AGO1: variants seen among roughly 807,000 people sequenced by gnomAD.
AGO1 encodes argonaute RISC component 1.
In AGO1, 11 loss-of-function variants were observed where a neutral mutation model predicts 109.2. The ratio of observed to expected loss-of-function variants is 0.10; its 90% CI spans 0.06 to 0.17. The LOEUF (loss-of-function observed/expected upper bound fraction) is 0.17. Among genes scored for constraint, AGO1 ranks in the 10% least tolerant of loss-of-function variants. AGO1 has a pLI of 1.00. For synonymous variants in AGO1, 422 were observed against 418.6 expected, an observed-to-expected ratio of 1.01 and a Z score of -0.10; for missense variants, 574 against 1,140.3, an observed-to-expected ratio of 0.50 and a Z score of 7.15.
At chr1:35,900,050 G>A (rs1645386674) in intron 8 of AGO1, among the ~76,000 whole-genome samples, 1 of 152,190 alleles carries the variant, frequency 6.6e-6, no homozygotes, top group Non-Finnish European at 1.5e-5. Flanking sequence ...TATGTCACTA[G>A]ACAGCTTTTT....
At chr1:35,870,492 C>T (rs912155919) in intron 1 of AGO1, among the ~76,000 whole-genome samples, 5 of 152,076 alleles carry the variant, frequency 3.3e-5, no homozygotes, top group South Asian at 2.1e-4. Context: ...ACCGTGTTAG[C>T]CAGGATGGTC....
chr1:35,889,375 A>G lies in AGO1; in HGVS notation c.209+765A>G, dbSNP rs371148790. Among the ~76,000 whole-genome samples the G allele has an allele frequency of 1.5e-3, 220 of 151,478 alleles. 1 individual carries two copies. Among genetic ancestry groups the G allele is most frequent in the African/African-American group, 5.0e-3 (206 of 41,328 alleles). ...CAGGCATCTGCCACCATGCCTGGCT[A>G]ATTTTTTTGTATTTTTAGTAGAGAC... On this transcript the variant is annotated intron_variant, in intron 2 of 18. Transcript: ENST00000373204.
rs1276910052 is a variant in AGO1 at position 35,923,491 on chromosome 1, A to G, written c.*3884A>G. ...GCCAAAAGGCAGTTTTGGAAACTAC[A>G]TTGGGGGACGTTATTTTTATTTATA... On this transcript the variant is annotated 3_prime_UTR_variant, in exon 19 of 19. Transcript: ENST00000373204. The G allele has an allele frequency of 6.6e-6, 1 of 152,626 alleles. No individual in the cohort carries two copies. Among genetic ancestry groups the G allele is most frequent in the East Asian group, 1.9e-4 (1 of 5,194 alleles). The allele number at this position is 152,626 out of a possible 1,614,324, so 9.5% of individuals were successfully genotyped here. A position where few individuals can be genotyped will look rare whatever the true frequency, so the allele number is the denominator to read the frequency against.
rs1645257598 is a variant in AGO1 at position 35,893,367 on chromosome 1, G to A, written c.512+89G>A. ...GGAGCACATATTAAGGTCCCACAGAGTGCCATTAAAAAAAAAAATTATTTG... is the reference window on the plus strand; with the variant it reads ...GGAGCACATATTAAGGTCCCACAGAATGCCATTAAAAAAAAAAATTATTTG... On this transcript the variant is annotated intron_variant, in intron 4 of 18. Transcript: ENST00000373204. The surrounding 1 kb of genome is among the most constrained non-coding windows in gnomAD (Gnocchi z 5.6). 2 of 1,419,376 alleles carry A rather than the reference G, an allele frequency of 1.4e-6. No homozygotes were observed. The highest frequency in any genetic ancestry group is 2.9e-5 in the African/African-American group (2 of 69,684). 87.9% of individuals were successfully genotyped at this position (1,419,376 alleles called of 1,614,324 possible).
chr1:35,888,242 GAAAAA>G lies in AGO1; in HGVS notation c.26-183_26-179del, dbSNP rs1209407981. ...TCCTAACTGGAGAGAGATTAAAAAA[GAAAAA>G]AGAGAAAAAACACAGATGAGCTTGA... is the stretch of plus-strand genomic sequence containing the variant. On this transcript the variant is annotated intron_variant, in intron 1 of 18. Coordinates refer to ENST00000373204, the MANE Select transcript of AGO1 (RefSeq NM_012199.5). The surrounding 1 kb of genome is among the most constrained non-coding windows in gnomAD (Gnocchi z 4.1). 2.7e-5 allele frequency among the ~76,000 whole-genome samples: 4 copies of G among 148,942 alleles called. No individual in the cohort carries two copies. Among genetic ancestry groups the G allele is most frequent in the African/African-American group, 1.0e-4 (4 of 38,446 alleles).
chr1:35,927,430 G>A lies in AGO1; in HGVS notation c.*7823G>A, dbSNP rs532140374. 2 of 152,098 alleles carry A rather than the reference G, an allele frequency of 1.3e-5. No individual in the cohort carries two copies. Among genetic ancestry groups the A allele is most frequent in the African/African-American group, 4.8e-5 (2 of 41,482 alleles). 9.4% of individuals were successfully genotyped at this position (152,098 alleles called of 1,614,324 possible). A position where few individuals can be genotyped will look rare whatever the true frequency, so the allele number is the denominator to read the frequency against. ...TCCATGTTTATCCTCACGCCAGTTC[G>A]CCTCATGGTCCCAATATGGCTACTG... On this transcript the variant is annotated 3_prime_UTR_variant, in exon 19 of 19. Transcript: ENST00000373204.
At chr1:35,895,001 G>A in intron 7 of AGO1, 121 bp from the exon 8 acceptor site, 1 of 1,216,432 alleles carries the variant, frequency 8.2e-7, no homozygotes, top group Non-Finnish European at 1.1e-6. Context: ...CTTCCTTCCT[G>A]CACATCATAT....
At chr1:35,892,240 C>T (rs774790411) in intron 2 of AGO1, among the ~76,000 whole-genome samples, 7 of 152,284 alleles carry the variant, frequency 4.6e-5, no homozygotes, top group Non-Finnish European at 1.0e-4. Context: ...TTAGCCTCCC[C>T]CTCTTCTCAG....
At chr1:35,887,170 CAG>C (rs1435095380) in intron 1 of AGO1, among the ~76,000 whole-genome samples, 2 of 152,098 alleles carry the variant, frequency 1.3e-5, no homozygotes, top group African/African-American at 4.8e-5. Context: ...TAGAGGGAAA[CAG>C]AGCAGCTTAG....
chr1:35,871,024 C>A (rs1415102113), intron 1 of AGO1, among the ~76,000 whole-genome samples: 5 of 152,180 alleles, frequency 3.3e-5, no homozygotes, highest in African/African-American at 1.2e-4. Context: ...CTATTACAAA[C>A]AGTGCTGCTA....
chr1:35,901,365 G>A lies in AGO1; in HGVS notation c.1021-109G>A. The A allele has an allele frequency of 6.9e-7, 1 of 1,455,402 alleles. No individual in the cohort carries two copies. The highest frequency in any genetic ancestry group is 9.4e-7 in the Non-Finnish European group (1 of 1,061,062). The allele number at this position is 1,455,402 out of a possible 1,614,324, so 90.2% of individuals were successfully genotyped here. On this transcript the variant is annotated intron_variant, in intron 8 of 18. Coordinates refer to ENST00000373204, the MANE Select transcript of AGO1 (RefSeq NM_012199.5). This position sits in a 1 kb window ranked among gnomAD's most constrained non-coding sequence, Gnocchi z 4.8. ...ACATGTATGCACAACGGATTTTGCA[G>A]TTCCCTTCCCCATGGCTGACAGCCA...
At chr1:35,902,379 C>T (rs1645434032) in intron 11 of AGO1, 42 bp downstream of exon 11, 7 of 1,596,924 alleles carry the variant, frequency 4.4e-6, no homozygotes, top group Non-Finnish European at 6.0e-6. Flanking sequence ...TGGGAAGGAC[C>T]CTGGAGCTGC....
chr1:35,893,873 A>G lies in AGO1; in HGVS notation c.649+63A>G. The G allele has an allele frequency of 6.4e-7, 1 of 1,568,366 alleles. No homozygotes were observed. The highest frequency in any genetic ancestry group is 8.7e-7 in the Non-Finnish European group (1 of 1,153,038). On this transcript the variant is annotated intron_variant, in intron 5 of 18. Coordinates refer to ENST00000373204, the MANE Select transcript of AGO1 (RefSeq NM_012199.5). The surrounding 1 kb of genome is among the most constrained non-coding windows in gnomAD (Gnocchi z 5.6). ...GTCCAGTGACCACACTCCCAGCCTC[A>G]TCCCTCCCAGCTCTGCAACCACACT...
chr1:35,908,115 A>T (rs1645558414), intron 12 of AGO1, among the ~76,000 whole-genome samples: 1 of 152,176 alleles, frequency 6.6e-6, no homozygotes, highest in Non-Finnish European at 1.5e-5. Flanking sequence ...AAACAAAAAA[A>T]ACTTTTTGAA....
Position 35,919,618 on chromosome 1 carries a change from C to CTGT in AGO1, c.*13_*15dup. On this transcript the variant is annotated 3_prime_UTR_variant, in exon 19 of 19. Transcript: ENST00000373204. The surrounding 1 kb of genome is among the most constrained non-coding windows in gnomAD (Gnocchi z 6.6). ...ATGTACTTCGCTTGAAGGCAGAACG[C>CTGT]TGTTACCTCACTGGATAGAAGAAAG... 1.9e-6 allele frequency: 3 copies of CTGT among 1,610,012 alleles called. No homozygotes were observed. Among genetic ancestry groups the CTGT allele is most frequent in the Non-Finnish European group, 2.5e-6 (3 of 1,177,164 alleles).
intron 8 of AGO1, among the ~76,000 whole-genome samples, chr1:35,898,808 T>C (rs1479468526): frequency 6.6e-6 from 1 of 152,264 alleles, no homozygotes; most frequent in Non-Finnish European, 1.5e-5. Context: ...TGAATAGTTA[T>C]GTAGGTCATT....
At chr1:35,880,753 A>G (rs1018567456), upstream of AGO1, among the ~76,000 whole-genome samples, 4 of 152,016 alleles carry the variant, frequency 2.6e-5, no homozygotes, top group South Asian at 2.1e-4. Flanking sequence ...TCTGCCTCCC[A>G]GGTTCAAGCG....
At chr1:35,907,174 C>G in intron 12 of AGO1, 55 bp downstream of exon 12, 1 of 1,489,324 alleles carries the variant, frequency 6.7e-7, no homozygotes, top group East Asian at 2.3e-5. Flanking sequence ...CAGCGTAGTT[C>G]CCTGGGGTCT....
chr1:35,921,311 G>A lies in AGO1; in HGVS notation c.*1704G>A, dbSNP rs1645828282. 1 of 136,246 alleles carries A rather than the reference G, an allele frequency of 7.3e-6. No individual in the cohort carries two copies. The allele number at this position is 136,246 out of a possible 1,614,324, so 8.4% of individuals were successfully genotyped here. The stretch of plus-strand genomic sequence containing the variant: ...TTTTTTTTTTTTTTTTTTGTCTTGA[G>A]ACATGGGGTTTGGCTGTCTTGCAGG... On this transcript the variant is annotated 3_prime_UTR_variant, in exon 19 of 19. Coordinates refer to ENST00000373204, the MANE Select transcript of AGO1 (RefSeq NM_012199.5).
Sources: allele counts gnomAD v4.1 joint callset (sites outside exome capture counted in the v4.1 genomes callset), GRCh38; gene constraint gnomAD v4.1.1; non-coding constraint Gnocchi (gnomAD v3.1); transcripts MANE v1.5; gene names NCBI Gene and HGNC (gene_info 2026-07-23, HGNC 2026-07-21).